The following STIM2 variants were observed in gnomAD, a reference collection of about 807,000 sequenced individuals.
STIM2 encodes stromal interaction molecule 2.
In STIM2, 31 loss-of-function variants were observed where a neutral mutation model predicts 85.8. The observed-to-expected ratio is 0.36, with a 90% confidence interval of 0.27 to 0.49. The LOEUF (loss-of-function observed/expected upper bound fraction) is 0.49, where lower values mean the gene tolerates loss of function less well. Ranked by LOEUF, STIM2 falls within the 20% of genes least tolerant of loss-of-function variation. The probability of loss-of-function intolerance (pLI) is 0.98; values close to 1 mark genes in which losing one functional copy is unlikely to be tolerated. For synonymous variants in STIM2, 356 were observed against 331.1 expected, an observed-to-expected ratio of 1.08 and a Z score of -0.82; for missense variants, 841 against 927.6, an observed-to-expected ratio of 0.91 and a Z score of 1.21.
intron 3 of STIM2, among the ~76,000 whole-genome samples, chr4:26,986,355 C>T (rs1257470362): frequency 2.0e-5 from 3 of 152,112 alleles, no homozygotes; most frequent in Non-Finnish European, 4.4e-5. Context: ...TAGGTGATTT[C>T]ACAGATCATC....
At chr4:26,972,093 A>G (rs1726976326) in intron 3 of STIM2, among the ~76,000 whole-genome samples, 1 of 152,216 alleles carries the variant, frequency 6.6e-6, no homozygotes, top group Non-Finnish European at 1.5e-5. Flanking sequence ...TTGATTTTGT[A>G]TCCTGACACT....
chr4:27,022,062 A>C (rs1469480507), intron 11 of STIM2, among the ~76,000 whole-genome samples: 1 of 152,026 alleles, frequency 6.6e-6, no homozygotes. Context: ...AATTCCTTTC[A>C]TGTATATTTC....
intron 11 of STIM2, among the ~76,000 whole-genome samples, chr4:27,020,430 C>T (rs1313829149): frequency 6.6e-6 from 1 of 152,164 alleles, no homozygotes; most frequent in Non-Finnish European, 1.5e-5. Context: ...TTCTTGCTTT[C>T]TGTTAGCACT....
rs180887904 is a variant in STIM2, at chr4:26,869,010, T to G, written c.151+7641T>G. On this transcript the variant is annotated intron_variant, in intron 1 of 11. Coordinates refer to ENST00000467087, the MANE Select transcript of STIM2 (RefSeq NM_020860.4). ...CTCTGATGTTTATTCCGTGTTTGTT[T>G]GGGGTCGTACGCTGTAGCTTATGCC... Among the ~76,000 whole-genome samples, 147 of 152,284 alleles carry G rather than the reference T, an allele frequency of 9.7e-4. 1 individual carries two copies. The highest frequency in any genetic ancestry group is 1.7e-3 in the Non-Finnish European group (119 of 68,024).
intron 1 of STIM2, among the ~76,000 whole-genome samples, chr4:26,877,936 C>G (rs6844732): frequency 1.3e-5 from 2 of 152,176 alleles, no homozygotes; most frequent in East Asian, 1.9e-4. Flanking sequence ...CCTTTTGTGT[C>G]TCTCTCTTTG....
In STIM2 at chr4:26,999,111, A is replaced by C. The variant is rs555457098; in HGVS notation, c.510-121A>C. The C allele has an allele frequency of 1.8e-4, 62 of 349,694 alleles. 1 individual carries two copies. In the East Asian group the frequency reaches 3.3e-3, roughly 19 times the overall value. The allele number at this position is 349,694 out of a possible 1,614,324, so 21.7% of individuals were successfully genotyped here. A position where few individuals can be genotyped will look rare whatever the true frequency, so the allele number is the denominator to read the frequency against. Reference sequence around the variant, plus strand: ...ATTAAATCACACATGGATGAGCTCCAACAGTGATCATCAATAATATGTAAA... The same window carrying C: ...ATTAAATCACACATGGATGAGCTCCCACAGTGATCATCAATAATATGTAAA... On this transcript the variant is annotated intron_variant, in intron 4 of 11. Transcript: ENST00000467087.
At chr4:26,877,134 A>G (rs1043307086) in intron 1 of STIM2, among the ~76,000 whole-genome samples, 2 of 152,100 alleles carry the variant, frequency 1.3e-5, no homozygotes, top group Non-Finnish European at 2.9e-5. Context: ...CCAATTAAGT[A>G]TATGTTAGAC....
chr4:27,000,432 A>G (rs1037469215), intron 5 of STIM2, among the ~76,000 whole-genome samples: 2 of 152,140 alleles, frequency 1.3e-5, no homozygotes, highest in African/African-American at 4.8e-5. Context: ...CCTTGTCCTC[A>G]CTTCCAGACT....
At chr4:27,020,953 T>C in intron 11 of STIM2, 1 of 1,514,648 alleles carries the variant, frequency 6.6e-7, no homozygotes, top group South Asian at 1.2e-5. Context: ...CTTTTTACCT[T>C]GACTCTCCCT....
intron 1 of STIM2, among the ~76,000 whole-genome samples, chr4:26,863,108 C>T (rs1478897325): frequency 1.2e-4 from 13 of 106,138 alleles, no homozygotes. Context: ...GAAAATTGGT[C>T]AGATGGAATT....
intron 1 of STIM2, among the ~76,000 whole-genome samples, chr4:26,871,704 CTTT>C (rs35869869): frequency 1.5e-5 from 2 of 129,514 alleles, no homozygotes. Flanking sequence ...TGTTTTCACC[CTTT>C]TTTTTTTTTT....
intron 7 of STIM2, among the ~76,000 whole-genome samples, chr4:27,004,439 C>T (rs1728266400): frequency 6.6e-6 from 1 of 152,076 alleles, no homozygotes; most frequent in Admixed American, 6.5e-5. Context: ...TAAGAACTCC[C>T]TGCCTTTTTC....
At chr4:26,887,691 G>A (rs1244163131) in intron 1 of STIM2, among the ~76,000 whole-genome samples, 3 of 152,102 alleles carry the variant, frequency 2.0e-5, no homozygotes, top group Non-Finnish European at 4.4e-5. Context: ...CAGAAGGAAT[G>A]AATGTATATG....
chr4:26,903,334 T>C (rs1357141545), intron 1 of STIM2, among the ~76,000 whole-genome samples: 1 of 152,212 alleles, frequency 6.6e-6, no homozygotes, highest in Non-Finnish European at 1.5e-5. Context: ...TTCTGTTAAA[T>C]GCTTGGAGTT....
Position 26,919,497 on chromosome 4 carries a change from CT to C in STIM2, c.152-4del, listed in dbSNP as rs769628729. The C allele has an allele frequency of 1.2e-6, 2 of 1,612,982 alleles. No homozygotes were observed. The highest frequency in any genetic ancestry group is 1.7e-6 in the Non-Finnish European group (2 of 1,179,528). The stretch of plus-strand genomic sequence containing the variant: ...CAAGTTAGTAATTGCCCTTTGTTCT[CT>C]TTCAGATCCCTGCATGTCACTGAGT... On this transcript the variant is annotated splice_region_variant and splice_polypyrimidine_tract_variant and intron_variant, in intron 1 of 11. Coordinates refer to ENST00000467087, the MANE Select transcript of STIM2 (RefSeq NM_020860.4).
chr4:26,995,869 A>G (rs1727945997), intron 4 of STIM2, among the ~76,000 whole-genome samples: 1 of 152,094 alleles, frequency 6.6e-6, no homozygotes, highest in African/African-American at 2.4e-5. Context: ...TTCTTGTGAC[A>G]TTTTAAATGA....
Position 27,022,987 on chromosome 4 carries a change from A to C in STIM2, c.2232A>C (p.Lys744Asn). The change falls in exon 12 of 12, where the codon AAA (lysine) becomes AAC (asparagine). Residue 744 changes from lysine to asparagine, a missense_variant. Coordinates refer to ENST00000467087, the MANE Select transcript of STIM2 (RefSeq NM_020860.4). ...AAATCAAAAGCCTTTTTAAGAAGAA[A>C]TCTAAGTGAACTGGCTGACTTGATG... 6.2e-7 allele frequency: 1 copy of C among 1,610,656 alleles called. No individual in the cohort carries two copies. Among genetic ancestry groups the C allele is most frequent in the Non-Finnish European group, 8.5e-7 (1 of 1,179,556 alleles).
At chr4:26,992,448 C>T (rs549257051) in intron 3 of STIM2, among the ~76,000 whole-genome samples, 32 of 152,032 alleles carry the variant, frequency 2.1e-4, no homozygotes, top group African/African-American at 7.5e-4. Context: ...GGTGTGGTGT[C>T]TCATACCTGT....
At chr4:26,908,620 A>AT (rs1457920000) in intron 1 of STIM2, among the ~76,000 whole-genome samples, 1 of 152,142 alleles carries the variant, frequency 6.6e-6, no homozygotes, top group Non-Finnish European at 1.5e-5. Flanking sequence ...AGTAGCTGGG[A>AT]TTACAGGCAC....
Sources: allele counts gnomAD v4.1 joint callset (sites outside exome capture counted in the v4.1 genomes callset), GRCh38; gene constraint gnomAD v4.1.1; transcripts MANE v1.5; gene names NCBI Gene and HGNC (gene_info 2026-07-23, HGNC 2026-07-21).